ATP8A2: variants seen among roughly 807,000 people sequenced by gnomAD.
The protein encoded by ATP8A2 is phospholipid-transporting ATPase IB.
Under a neutral mutation model 165.6 loss-of-function variants are expected in ATP8A2, and 100 were observed. The ratio of observed to expected loss-of-function variants is 0.60; its 90% CI spans 0.51 to 0.71. The LOEUF is 0.71. Ranked by LOEUF, ATP8A2 falls within the 30% of genes least tolerant of loss-of-function variation. The probability of loss-of-function intolerance (pLI) is 0.00; values close to 1 mark genes in which losing one functional copy is unlikely to be tolerated. For missense variants in ATP8A2, 1,227 were observed against 1,479.5 expected (o/e 0.83, Z 2.80); for synonymous variants, 543 against 548.8 (o/e 0.99, Z 0.15).
At chr13:25,772,357 T>G (rs1328584458) in intron 26 of ATP8A2, among the ~76,000 whole-genome samples, 1 of 152,196 alleles carries the variant, frequency 6.6e-6, no homozygotes, top group East Asian at 1.9e-4. Flanking sequence ...GCAGATGTTT[T>G]CTGTGCCCAT....
chr13:25,525,810 T>G (rs1018701377), intron 2 of ATP8A2, among the ~76,000 whole-genome samples: 4 of 152,164 alleles, frequency 2.6e-5, no homozygotes, highest in Non-Finnish European at 4.4e-5. Flanking sequence ...ATCTGTTTGT[T>G]GTTCTCTGAC....
rs140229071 is a variant in ATP8A2 at position 25,881,245 on chromosome 13, G to A, written c.3183+18837G>A. Among the ~76,000 whole-genome samples, 304 of 148,504 alleles carry A rather than the reference G, an allele frequency of 2.0e-3. 2 individuals carry two copies. The highest frequency in any genetic ancestry group is 6.1e-3 in the African/African-American group (252 of 41,170). On this transcript the variant is annotated intron_variant, in intron 33 of 36. Transcript: ENST00000381655. Reference sequence around the variant, plus strand: ...AAGCTATACAATGTGTTAATACACAGGAGATCTGCTGGTTTCTTGCACAGA... The same window carrying A: ...AAGCTATACAATGTGTTAATACACAAGAGATCTGCTGGTTTCTTGCACAGA...
chr13:25,672,346 A>G (rs1261884252), intron 24 of ATP8A2, among the ~76,000 whole-genome samples: 1 of 152,116 alleles, frequency 6.6e-6, no homozygotes, highest in Non-Finnish European at 1.5e-5. Context: ...TTGTTTTTTC[A>G]GACTGTGGCA....
At chr13:25,583,421 G>A (rs1245871079) in intron 23 of ATP8A2, among the ~76,000 whole-genome samples, 1 of 152,078 alleles carries the variant, frequency 6.6e-6, no homozygotes, top group Non-Finnish European at 1.5e-5. Context: ...GCTGTAAAGT[G>A]GTAACCTTTC....
chr13:25,800,951 A>G (rs1013078555), intron 27 of ATP8A2, among the ~76,000 whole-genome samples: 1 of 152,188 alleles, frequency 6.6e-6, no homozygotes, highest in African/African-American at 2.4e-5. Context: ...TTCAGGGTCG[A>G]GAATTTCTGA....
intron 36 of ATP8A2, among the ~76,000 whole-genome samples, chr13:26,013,719 G>A (rs535714409): frequency 1.4e-4 from 22 of 152,056 alleles, no homozygotes; most frequent in South Asian, 1.0e-3. Flanking sequence ...ATTTATGAAC[G>A]TGAAGAATCA....
chr13:25,738,268 G>A (rs936577893), intron 25 of ATP8A2, among the ~76,000 whole-genome samples: 4 of 151,978 alleles, frequency 2.6e-5, no homozygotes, highest in African/African-American at 7.3e-5. Flanking sequence ...ATTCTGGAAC[G>A]CAGGTATGAC....
intron 24 of ATP8A2, among the ~76,000 whole-genome samples, chr13:25,670,992 G>T (rs1257086057): frequency 6.6e-6 from 1 of 152,204 alleles, no homozygotes; most frequent in African/African-American, 2.4e-5. Flanking sequence ...CTCTGGACAG[G>T]TATAGTGGAG....
intron 26 of ATP8A2, among the ~76,000 whole-genome samples, chr13:25,771,073 C>T (rs1286756551): frequency 6.6e-6 from 1 of 152,214 alleles, no homozygotes; most frequent in Non-Finnish European, 1.5e-5. Flanking sequence ...TTACAAAATC[C>T]TCCTGGCTCT....
chr13:25,675,600 G>C (rs1292507151), intron 24 of ATP8A2, among the ~76,000 whole-genome samples: 1 of 152,146 alleles, frequency 6.6e-6, no homozygotes, highest in Admixed American at 6.5e-5. Context: ...TCTTTTAATA[G>C]AATGTGAAAT....
intron 24 of ATP8A2, among the ~76,000 whole-genome samples, chr13:25,682,922 G>A (rs1248636686): frequency 1.3e-5 from 2 of 152,110 alleles, no homozygotes; most frequent in Non-Finnish European, 2.9e-5. Context: ...ACACCTAATA[G>A]GCTTGCTTTG....
chr13:26,014,947 G>T (rs1166110953), intron 36 of ATP8A2, among the ~76,000 whole-genome samples: 3 of 152,162 alleles, frequency 2.0e-5, no homozygotes, highest in African/African-American at 7.2e-5. Flanking sequence ...CAGGTTCCCA[G>T]AACTCTACAG....
At position 25,992,612 on chromosome 13, in the gene ATP8A2, A is replaced by G. The variant is rs181256606; in HGVS notation, c.3378-19919A>G. On this transcript the variant is annotated intron_variant, in intron 35 of 36. Transcript: ENST00000381655. ...GAATTATGCTTTTGGTGTCAAGTCT[A>G]AGAGAACTCTGCTTAGCCCTAGATT... Among the ~76,000 whole-genome samples, 7 of 152,260 alleles carry G rather than the reference A, an allele frequency of 4.6e-5. No individual in the cohort carries two copies. The East Asian group carries it at 1.4e-3, about 29-fold the overall frequency.
At chr13:25,923,814 A>AT (rs1236921070) in intron 33 of ATP8A2, among the ~76,000 whole-genome samples, 1 of 152,176 alleles carries the variant, frequency 6.6e-6, no homozygotes, top group African/African-American at 2.4e-5. Context: ...GGGTTTAACA[A>AT]TTTAAATTCT....
chr13:25,637,092 CAAAAAAAAAAAAAAAA>C (rs56069703), intron 24 of ATP8A2, among the ~76,000 whole-genome samples: 4 of 67,688 alleles, frequency 5.9e-5, no homozygotes, highest in East Asian at 6.3e-4. Flanking sequence ...GACCCTGTCT[CAAAAAAAAAAAAAAAA>C]AAAAAAAAAA....
chr13:25,476,377 C>T (rs1674120126), intron 2 of ATP8A2, among the ~76,000 whole-genome samples: 1 of 151,938 alleles, frequency 6.6e-6, no homozygotes. Context: ...ACCTTTGCCT[C>T]CTGGGTTCAA....
chr13:25,737,408 C>G (rs538490291), intron 25 of ATP8A2, among the ~76,000 whole-genome samples: 1 of 152,326 alleles, frequency 6.6e-6, no homozygotes, highest in African/African-American at 2.4e-5. Flanking sequence ...AGAAGAGTCA[C>G]CTGTTGGTTT....
chr13:26,010,382 G>A (rs1956821579), intron 35 of ATP8A2, among the ~76,000 whole-genome samples: 1 of 152,248 alleles, frequency 6.6e-6, no homozygotes, highest in African/African-American at 2.4e-5. Flanking sequence ...CATGGGGGCA[G>A]AGCCTAGTCC....
chr13:25,822,121 G>A (rs553562471), intron 27 of ATP8A2, among the ~76,000 whole-genome samples: 2 of 152,172 alleles, frequency 1.3e-5, no homozygotes, highest in African/African-American at 2.4e-5. Context: ...TTATCTTGCA[G>A]TGCATGGGGA....
Sources: allele counts gnomAD v4.1 joint callset (sites outside exome capture counted in the v4.1 genomes callset), GRCh38; gene constraint gnomAD v4.1.1; transcripts MANE v1.5; gene names NCBI Gene and HGNC (gene_info 2026-07-23, HGNC 2026-07-21).